COG3: variants seen among roughly 807,000 people sequenced by gnomAD.
COG3 encodes the protein conserved oligomeric Golgi complex subunit 3.
Under a neutral mutation model 114.1 loss-of-function variants are expected in COG3, and 32 were observed. The observed-to-expected ratio is 0.28, with a 90% CI of 0.21 to 0.38. COG3 has a LOEUF of 0.38. Ranked by LOEUF, COG3 falls within the 10% of genes least tolerant of loss-of-function variation. COG3 has a pLI of 1.00. For synonymous variants in COG3, 352 were observed against 365.7 expected, an observed-to-expected ratio of 0.96 and a Z score of 0.43; for missense variants, 813 against 973.2, an observed-to-expected ratio of 0.84 and a Z score of 2.19.
intron 19 of COG3, among the ~76,000 whole-genome samples, chr13:45,523,392 A>G (rs1212552757): frequency 1.3e-5 from 2 of 152,186 alleles, no homozygotes; most frequent in African/African-American, 4.8e-5. Context: ...CTAAAGGGAA[A>G]TTAAGATAGA....
chr13:45,499,718 T>A (rs1431274598), intron 13 of COG3, among the ~76,000 whole-genome samples: 1 of 152,182 alleles, frequency 6.6e-6, no homozygotes, highest in East Asian at 1.9e-4. Flanking sequence ...AACAGAATAT[T>A]TGACTTTTTA....
chr13:45,490,683 A>G (rs1886961796), intron 8 of COG3, among the ~76,000 whole-genome samples: 2 of 152,142 alleles, frequency 1.3e-5, no homozygotes, highest in Admixed American at 1.3e-4. Flanking sequence ...AATATGTAGT[A>G]TAATTACAGT....
rs954522274 is a variant in COG3, at chr13:45,492,188, T to C, written c.1125T>C (p.His375=). 6.2e-7 allele frequency: 1 copy of C among 1,611,208 alleles called. No individual in the cohort carries two copies. Among genetic ancestry groups the C allele is most frequent in the Non-Finnish European group, 8.5e-7 (1 of 1,178,732 alleles). ...LVRSGCAFMV[H]VCQDEHQLYN... ...GTAGTGGCTGTGCCTTCATGGTTCA[T>C]GTCTGCCAGGATGAACACCAACTTT... The change falls in exon 11 of 23, where the codon CAT becomes CAC. Residue 375 remains histidine, a synonymous_variant. Transcript: ENST00000349995.
At chr13:45,491,566 G>A (rs746451828) in intron 10 of COG3, 28 bp downstream of exon 10, 6 of 1,601,966 alleles carry the variant, frequency 3.7e-6, no homozygotes, top group Non-Finnish European at 5.1e-6. Flanking sequence ...TTGGTTTAAT[G>A]TTAAATCTTC....
At chr13:45,531,107 TAAG>T (rs60204232) in intron 22 of COG3, 83,616 of 983,000 alleles carry the variant, frequency 0.085, 5,394 homozygotes, top group African/African-American at 0.32. Flanking sequence ...ATATGCATAA[TAAG>T]AGAAATACAT....
chr13:45,487,917 A>C (rs1012475312), intron 8 of COG3, among the ~76,000 whole-genome samples: 3 of 152,218 alleles, frequency 2.0e-5, no homozygotes, highest in Non-Finnish European at 4.4e-5. Flanking sequence ...CAGTATATCA[A>C]AGGGATACCT....
At chr13:45,530,214 C>T (rs1873049697) in intron 21 of COG3, among the ~76,000 whole-genome samples, 1 of 152,126 alleles carries the variant, frequency 6.6e-6, no homozygotes, top group Non-Finnish European at 1.5e-5. Context: ...CTCAAGAGAG[C>T]AGCACTTCAG....
intron 1 of COG3, among the ~76,000 whole-genome samples, chr13:45,467,504 A>C (rs1256507882): frequency 1.3e-5 from 2 of 152,238 alleles, no homozygotes; most frequent in Non-Finnish European, 2.9e-5. Flanking sequence ...AGGCATGAGA[A>C]TCACTTGAAC....
intron 14 of COG3, among the ~76,000 whole-genome samples, chr13:45,509,194 C>T (rs1415489681): frequency 6.6e-6 from 1 of 152,156 alleles, no homozygotes; most frequent in African/African-American, 2.4e-5. Flanking sequence ...CACACGCCAC[C>T]ACGCCTGACT....
At chr13:45,526,476 A>T (rs1225777425) in intron 20 of COG3, among the ~76,000 whole-genome samples, 1 of 152,170 alleles carries the variant, frequency 6.6e-6, no homozygotes, top group Admixed American at 6.5e-5. Context: ...GAAGATTTGT[A>T]AATGTAGAGA....
intron 11 of COG3, 55 bp from the exon 12 acceptor site, chr13:45,493,292 T>C (rs749858234): frequency 3.5e-5 from 50 of 1,437,312 alleles, no homozygotes; most frequent in Non-Finnish European, 4.5e-5. Flanking sequence ...TTCTAAATTA[T>C]TACAAAATCC....
chr13:45,506,846 A>G (rs1374117725), intron 14 of COG3, among the ~76,000 whole-genome samples: 2 of 152,226 alleles, frequency 1.3e-5, no homozygotes, highest in Non-Finnish European at 2.9e-5. Flanking sequence ...TGTGAAGTTC[A>G]TGGCATACAA....
In COG3 at chr13:45,476,312, G is replaced by A. The variant is rs549273495; in HGVS notation, c.286G>A (p.Gly96Arg). ...TCTCTTGAAGGGCTTCACTTCCTTA[G>A]GAATGGAAGAAGAAAGAATTGAAAC... ...DILLKGFTSL[G>R]MEEERIETAQ... The change falls in exon 2 of 23, where the codon GGA becomes AGA. Residue 96 changes from glycine (G) to arginine (R), a missense_variant. Physicochemically the swap from Gly to Arg is moderately radical, Grantham distance 125. Coordinates refer to ENST00000349995, the MANE Select transcript of COG3 (RefSeq NM_031431.4). 3.1e-6 allele frequency: 5 copies of A among 1,612,524 alleles called. No individual in the cohort carries two copies. In the South Asian group the frequency reaches 5.5e-5, roughly 18 times the overall value.
chr13:45,512,789 A>AT (rs1297282643), intron 16 of COG3, among the ~76,000 whole-genome samples: 1 of 151,694 alleles, frequency 6.6e-6, no homozygotes, highest in Admixed American at 6.6e-5. Flanking sequence ...TAAATTTTTT[A>AT]TTTTTTGTAG....
chr13:45,535,613 C>G lies in COG3; in HGVS notation c.*882C>G, dbSNP rs944565849. ...TACACTGCCTTTGGTTTTAGCAGTT[C>G]TTTGAAAAGCAAACACTTTCATGTC... On this transcript the variant is annotated 3_prime_UTR_variant, in exon 23 of 23. Transcript: ENST00000349995. 1.0e-6 allele frequency: 1 copy of G among 985,516 alleles called. No homozygotes were observed. The highest frequency in any genetic ancestry group is 1.7e-5 in the African/African-American group (1 of 57,232). The allele number at this position is 985,516 out of a possible 1,614,324, so 61.0% of individuals were successfully genotyped here.
chr13:45,523,480 T>TA (rs1872388739), intron 19 of COG3, among the ~76,000 whole-genome samples: 1 of 152,196 alleles, frequency 6.6e-6, no homozygotes, highest in South Asian at 2.1e-4. Flanking sequence ...TAGGAATTTT[T>TA]AAAAAGATGG....
intron 10 of COG3, among the ~76,000 whole-genome samples, 170 bp from the exon 11 acceptor site, chr13:45,491,989 A>C (rs1304824432): frequency 6.6e-6 from 1 of 152,234 alleles, no homozygotes; most frequent in Non-Finnish European, 1.5e-5. Flanking sequence ...AGTCACCTAT[A>C]ATCTCATTAT....
chr13:45,482,066 T>A (rs1009858832), intron 5 of COG3, among the ~76,000 whole-genome samples: 2 of 152,138 alleles, frequency 1.3e-5, no homozygotes, highest in African/African-American at 4.8e-5. Context: ...TACCAGAAAG[T>A]GAGAAATCTA....
At position 45,524,984 on chromosome 13, in the gene COG3, G is replaced by A. The variant is rs754151089; in HGVS notation, c.2163G>A (p.Ala721=). The A allele has an allele frequency of 1.4e-5, 22 of 1,613,440 alleles. No individual in the cohort carries two copies. Among genetic ancestry groups the A allele is most frequent in the East Asian group, 2.2e-5 (1 of 44,878 alleles). ...TTTGTCTCCTCTATTAGGTTTCAGC[G>A]TTAAAAACAATGGCCAGTCAGGGAG... The part of the protein sequence containing the change: ...QLEEFMTKVS[A]LKTMASQGGP... Residue 721 remains alanine, a synonymous_variant, in exon 20 of 23, where the codon GCG becomes GCA. Transcript: ENST00000349995.
Sources: gnomAD v4.1 joint callset for allele counts (sites outside exome capture counted in the v4.1 genomes callset) on GRCh38, gnomAD v4.1.1 for gene constraint, MANE v1.5 for transcripts, NCBI Gene and HGNC (gene_info 2026-07-23, HGNC 2026-07-21) for gene names.